SIGLEC6: variants seen among roughly 807,000 people sequenced by gnomAD.
The protein encoded by SIGLEC6 is sialic acid binding Ig like lectin 6.
In SIGLEC6, 31 loss-of-function variants were observed where a neutral mutation model predicts 41.4. The ratio of observed to expected loss-of-function variants is 0.75; its 90% CI spans 0.56 to 1.01. SIGLEC6 has a LOEUF of 1.01. SIGLEC6 is among the 50% of genes least tolerant of loss of function. The pLI is 0.00. For synonymous variants in SIGLEC6, 217 were observed against 231.0 expected, an observed-to-expected ratio of 0.94 and a Z score of 0.55; for missense variants, 555 against 558.6, an observed-to-expected ratio of 0.99 and a Z score of 0.06.
intron 7 of SIGLEC6, among the ~76,000 whole-genome samples, chr19:51,523,883 C>T (rs1038374699): frequency 1.3e-5 from 2 of 152,088 alleles, no homozygotes; most frequent in South Asian, 2.1e-4. Context: ...ATTAGCTGGG[C>T]GCGGTGGCGG....
intron 7 of SIGLEC6, among the ~76,000 whole-genome samples, chr19:51,525,238 C>A (rs781781754): frequency 3.2e-4 from 48 of 152,298 alleles, no homozygotes; most frequent in Non-Finnish European, 5.3e-4. Context: ...AGCCACCTCA[C>A]CCCTGCCTGA....
In SIGLEC6 at chr19:51,527,790, T is replaced by G; in HGVS notation, c.1145A>C (p.Gln382Pro). The change falls in exon 7 of 8, where the codon CAA (glutamine) becomes CCA (proline). Residue 382 changes from glutamine (Q) to proline (P), a missense_variant. Physicochemically the swap from Gln to Pro is moderately conservative, Grantham distance 76. Coordinates refer to ENST00000425629, the MANE Select transcript of SIGLEC6 (RefSeq NM_001245.7). ...TRRKKAAQPV[Q>P]NTDDVNPVMV... ...GACGGGGTTCACATCATCCGTGTTTTGCACTGGCTGGGCTGCTTTCTTCCT... is the reference window on the plus strand; with the variant it reads ...GACGGGGTTCACATCATCCGTGTTTGGCACTGGCTGGGCTGCTTTCTTCCT... The G allele has an allele frequency of 6.2e-7, 1 of 1,614,106 alleles. No individual in the cohort carries two copies. The highest frequency in any genetic ancestry group is 8.5e-7 in the Non-Finnish European group (1 of 1,180,024).
At chr19:51,523,644 A>G (rs1978676490) in intron 7 of SIGLEC6, among the ~76,000 whole-genome samples, 1 of 152,166 alleles carries the variant, frequency 6.6e-6, no homozygotes, top group African/African-American at 2.4e-5. Context: ...GGGTAAACCA[A>G]ATTTGATGTT....
intron 4 of SIGLEC6, 119 bp from the exon 5 acceptor site, chr19:51,530,100 C>T: frequency 7.9e-7 from 1 of 1,261,702 alleles, no homozygotes; most frequent in Non-Finnish European, 1.1e-6. Context: ...GTGGGGGCCT[C>T]AGGTCTTCAG....
Position 51,518,977 on chromosome 19 carries a change from T to G in SIGLEC6, c.*1105A>C, listed in dbSNP as rs1235606541. On this transcript the variant is annotated 3_prime_UTR_variant, in exon 8 of 8. Coordinates refer to ENST00000425629, the MANE Select transcript of SIGLEC6 (RefSeq NM_001245.7). ...TACTCCTTTTCAGCCTTAGAAGAAA[T>G]TGCCAGCAGAAACCGTCTGTTAAAA... 6.6e-6 allele frequency among the ~76,000 whole-genome samples: 1 copy of G among 151,938 alleles called. No homozygotes were observed. Among genetic ancestry groups the G allele is most frequent in the African/African-American group, 2.4e-5 (1 of 41,352 alleles).
intron 5 of SIGLEC6, among the ~76,000 whole-genome samples, chr19:51,529,018 A>AAAC (rs1555780692): frequency 1.3e-5 from 2 of 149,342 alleles, no homozygotes; most frequent in African/African-American, 4.9e-5. Context: ...AAAAAAAAAA[A>AAAC]GGGAAAATGT....
rs562453144 is a variant in SIGLEC6 at position 51,530,661 on chromosome 19, C to A, written c.706+20G>T. On this transcript the variant is annotated intron_variant, in intron 3 of 7. Transcript: ENST00000425629. ...CCCCCCACACCCTCAGGGACCCGGG[C>A]GTCCTGGCCCAGCACTCACAGGAGA... 7.4e-6 allele frequency: 12 copies of A among 1,611,672 alleles called. No homozygotes were observed. Among genetic ancestry groups the A allele is most frequent in the Non-Finnish European group, 1.0e-5 (12 of 1,179,194 alleles).
chr19:51,523,149 A>T (rs1415223069), intron 7 of SIGLEC6, among the ~76,000 whole-genome samples: 5 of 152,194 alleles, frequency 3.3e-5, no homozygotes, highest in Non-Finnish European at 7.3e-5. Context: ...CAGGAAAAAA[A>T]AAATAAACTG....
Position 51,530,892 on chromosome 19 carries a change from G to A in SIGLEC6, c.495C>T (p.Thr165=), listed in dbSNP as rs937875553. ...TLESGHPSNL[T]CSVPWVCEQG... Reference sequence around the variant, plus strand: ...GCTCACAGACCCAGGGCACAGAGCAGGTCAGATTGCTGGGATGGCCAGACT... The same window carrying A: ...GCTCACAGACCCAGGGCACAGAGCAAGTCAGATTGCTGGGATGGCCAGACT... Residue 165 remains threonine, a synonymous_variant, in exon 3 of 8, where the codon ACC becomes ACT. Coordinates refer to ENST00000425629, the MANE Select transcript of SIGLEC6 (RefSeq NM_001245.7). 6.2e-7 allele frequency: 1 copy of A among 1,613,796 alleles called. No homozygotes were observed.
chr19:51,527,478 T>C (rs1049808192), intron 7 of SIGLEC6, among the ~76,000 whole-genome samples: 1 of 142,342 alleles, frequency 7.0e-6, no homozygotes, highest in Non-Finnish European at 1.5e-5. Context: ...GGAAATATGA[T>C]AATCTGACAT....
chr19:51,524,954 G>A (rs1026027071), intron 7 of SIGLEC6, among the ~76,000 whole-genome samples: 2 of 152,164 alleles, frequency 1.3e-5, no homozygotes, highest in Non-Finnish European at 2.9e-5. Flanking sequence ...GCAGTCCTGG[G>A]CATGAGAGAT....
In SIGLEC6 at chr19:51,530,952, G is replaced by A. The variant is rs1157694762; in HGVS notation, c.435C>T (p.Thr145=). The change falls in exon 3 of 8, where the codon ACC becomes ACT. Residue 145 remains threonine, a synonymous_variant. Transcript: ENST00000425629. ...SKLSVRVMAL[T]HRPNISIPGT... is the part of the protein sequence containing the mutation. ...CTGGGATGGAGATGTTGGGCCTGTG[G>A]GTCAGGGCTGGTGAGGAGATGGGGA... 1 of 1,611,246 alleles carries A rather than the reference G, an allele frequency of 6.2e-7. No individual in the cohort carries two copies. The highest frequency in any genetic ancestry group is 2.2e-5 in the East Asian group (1 of 44,870).
Position 51,531,052 on chromosome 19 carries a change from C to T in SIGLEC6, c.428-93G>A, listed in dbSNP as rs1980236882. On this transcript the variant is annotated intron_variant, in intron 2 of 7. Coordinates refer to ENST00000425629, the MANE Select transcript of SIGLEC6 (RefSeq NM_001245.7). ...CTCTGGTCCAGCTCCTTCTCTGAGCCCAACATGCTTAATTGTACCCGCCTC... is the reference window on the plus strand; with the variant it reads ...CTCTGGTCCAGCTCCTTCTCTGAGCTCAACATGCTTAATTGTACCCGCCTC... 2.7e-5 allele frequency: 43 copies of T among 1,571,386 alleles called. No individual in the cohort carries two copies. The South Asian group carries it at 4.1e-4, about 15-fold the overall frequency.
intron 7 of SIGLEC6, 133 bp downstream of exon 7, chr19:51,527,614 C>A: frequency 1.4e-6 from 1 of 708,538 alleles, no homozygotes; most frequent in South Asian, 1.9e-5. Flanking sequence ...ATTACTGAGT[C>A]AAAAATTTAA....
rs1160406771 is a variant in SIGLEC6 at position 51,529,789 on chromosome 19, T to G, written c.947A>C (p.Asp316Ala). The G allele has an allele frequency of 6.2e-7, 1 of 1,613,774 alleles. No individual in the cohort carries two copies. The highest frequency in any genetic ancestry group is 8.5e-7 in the Non-Finnish European group (1 of 1,179,990). ...AGGATGCTGAGCACGGCAGGTGAAA[T>G]CTCCTTCTTCTGCAGACCCTACTTG... ...LPQVGSAEEG[D>A]FTCRAQHPLG... is the part of the protein sequence containing the mutation. The change falls in exon 5 of 8, where the codon GAT becomes GCT. Residue 316 changes from aspartate to alanine, a missense_variant. By Grantham distance (126) the Asp-to-Ala change is moderately radical (BLOSUM62 -2). Coordinates refer to ENST00000425629, the MANE Select transcript of SIGLEC6 (RefSeq NM_001245.7).
At chr19:51,523,840 G>A (rs1978728529) in intron 7 of SIGLEC6, among the ~76,000 whole-genome samples, 1 of 152,122 alleles carries the variant, frequency 6.6e-6, no homozygotes, top group Admixed American at 6.6e-5. Context: ...CTAACACGGT[G>A]AAAGCCCGTC....
chr19:51,525,123 C>T (rs552332572), intron 7 of SIGLEC6, among the ~76,000 whole-genome samples: 1 of 152,182 alleles, frequency 6.6e-6, no homozygotes, highest in African/African-American at 2.4e-5. Context: ...CTCACATGCT[C>T]TCAGGGTAGG....
At chr19:51,529,627 G>A (rs1979848066) in intron 5 of SIGLEC6, 97 bp downstream of exon 5, 1 of 1,511,352 alleles carries the variant, frequency 6.6e-7, no homozygotes, top group Admixed American at 1.9e-5. Context: ...GAGGGGTCTG[G>A]GGAGGGAGGA....
At chr19:51,520,726 G>T (rs1442988538) in intron 7 of SIGLEC6, among the ~76,000 whole-genome samples, 1 of 152,162 alleles carries the variant, frequency 6.6e-6, no homozygotes, top group Non-Finnish European at 1.5e-5. Context: ...AGCCCTTAGT[G>T]AGTGTTTACA....
Sources: allele counts gnomAD v4.1 joint callset (sites outside exome capture counted in the v4.1 genomes callset), GRCh38; gene constraint gnomAD v4.1.1; transcripts MANE v1.5; gene names NCBI Gene and HGNC (gene_info 2026-07-23, HGNC 2026-07-21).